ASH1L: variants seen among roughly 807,000 people sequenced by gnomAD.
ASH1L encodes the protein histone-lysine N-methyltransferase ASH1L.
A neutral mutation model predicts 269.0 loss-of-function variants in ASH1L; 23 were observed. The observed-to-expected ratio is 0.09, with a 90% CI of 0.06 to 0.12. The LOEUF is 0.12. ASH1L is among the 10% of genes least tolerant of loss of function. The probability of loss-of-function intolerance (pLI) is 1.00; values close to 1 mark genes in which losing one functional copy is unlikely to be tolerated. For synonymous variants in ASH1L, 1,187 were observed against 1,253.5 expected (o/e 0.95, Z 1.12); for missense variants, 2,912 against 3,567.8 (o/e 0.82, Z 4.68).
chr1:155,405,841 A>AAG (rs1659236351), intron 6 of ASH1L, among the ~76,000 whole-genome samples: 1 of 151,556 alleles, frequency 6.6e-6, no homozygotes, highest in African/African-American at 2.4e-5. Context: ...AAAAAAAAAA[A>AAG]AAAAAAGTCA....
intron 2 of ASH1L, among the ~76,000 whole-genome samples, chr1:155,518,842 G>A (rs1668674328): frequency 6.8e-6 from 1 of 147,204 alleles, no homozygotes; most frequent in Admixed American, 6.8e-5. Flanking sequence ...GGAAGGAATG[G>A]AGGGAGGGAG....
intron 2 of ASH1L, among the ~76,000 whole-genome samples, chr1:155,510,221 C>T (rs906428779): frequency 6.6e-6 from 1 of 151,734 alleles, no homozygotes; most frequent in Non-Finnish European, 1.5e-5. Context: ...CGAGACCAGC[C>T]TGACCAATTT....
chr1:155,410,068 G>A lies in ASH1L; in HGVS notation c.6008+5676C>T, dbSNP rs569809732. 5.3e-5 allele frequency among the ~76,000 whole-genome samples: 8 copies of A among 151,934 alleles called. No individual in the cohort carries two copies. The East Asian group carries it at 1.4e-3, about 26-fold the overall frequency. On this transcript the variant is annotated intron_variant, in intron 6 of 27. Coordinates refer to ENST00000392403, the MANE Select transcript of ASH1L (RefSeq NM_018489.3). ...TAATCTCAGCTACTCGGGAGGCTGA[G>A]GCAGGAGAATTGCTTGAACTCCATC...
rs1652330105 is a variant in ASH1L, at chr1:155,336,501, A to C, written c.*1159T>G. ...CATATGTATGTCTGAAAAGACAACA[A>C]AGCTTTTTAAATTTTATTTTTAAAG... On this transcript the variant is annotated 3_prime_UTR_variant, in exon 28 of 28. Coordinates refer to ENST00000392403, the MANE Select transcript of ASH1L (RefSeq NM_018489.3). 6.6e-6 allele frequency: 1 copy of C among 152,554 alleles called. No homozygotes were observed. Among genetic ancestry groups the C allele is most frequent in the African/African-American group, 2.4e-5 (1 of 41,368 alleles). 9.5% of individuals were successfully genotyped at this position (152,554 alleles called of 1,614,324 possible). A position where few individuals can be genotyped will look rare whatever the true frequency, so the allele number is the denominator to read the frequency against.
In ASH1L at chr1:155,337,690, C is replaced by A; in HGVS notation, c.8865G>T (p.Leu2955Phe). ...GSGRKLRRRT[L>F]FIPENSFRK ...TTCGAAAGCTGTTTTCTGGGATAAA[C>A]AAAGTACGCCTTCGCAGTTTCCTGC... The change falls in exon 28 of 28, where the codon TTG becomes TTT. Residue 2955 changes from leucine to phenylalanine, a missense_variant. Transcript: ENST00000392403. The A allele has an allele frequency of 1.2e-6, 2 of 1,613,980 alleles. No individual in the cohort carries two copies. The highest frequency in any genetic ancestry group is 1.7e-6 in the Non-Finnish European group (2 of 1,179,876).
intron 10 of ASH1L, 81 bp from the exon 11 acceptor site, chr1:155,371,064 T>A: frequency 8.7e-7 from 1 of 1,151,900 alleles, no homozygotes; most frequent in Non-Finnish European, 1.2e-6. Context: ...TACAAACATT[T>A]AAAAATGAAT....
intron 7 of ASH1L, among the ~76,000 whole-genome samples, chr1:155,389,356 T>C (rs944863000): frequency 6.6e-6 from 1 of 152,048 alleles, no homozygotes; most frequent in Non-Finnish European, 1.5e-5. Context: ...ATTTATATTA[T>C]CTGAATATAT....
At chr1:155,366,615 A>C (rs190946352) in intron 12 of ASH1L, among the ~76,000 whole-genome samples, 4 of 152,264 alleles carry the variant, frequency 2.6e-5, no homozygotes, top group African/African-American at 4.8e-5. Flanking sequence ...ACAAACTTTC[A>C]TAAGATTTAT....
At chr1:155,473,887 G>C (rs1258709959) in intron 3 of ASH1L, among the ~76,000 whole-genome samples, 2 of 152,126 alleles carry the variant, frequency 1.3e-5, no homozygotes, top group Non-Finnish European at 2.9e-5. Context: ...CCAGGCTGGA[G>C]TGCAGTGGCA....
chr1:155,354,515 G>C lies in ASH1L; in HGVS notation c.7171C>G (p.Arg2391Gly), dbSNP rs1384044854. 1 of 1,612,402 alleles carries C rather than the reference G, an allele frequency of 6.2e-7. No individual in the cohort carries two copies. The highest frequency in any genetic ancestry group is 2.2e-5 in the East Asian group (1 of 44,858). ...TCATCTCGGCAGATCCCATTCCAAC[G>C]GGTATATAATGATGCTGAGTGAATA... ...DNIHSASLYT[R>G]WNGICRDDGN... Residue 2391 changes from arginine (R) to glycine (G), a missense_variant, in exon 16 of 28, where the codon CGT (arginine) becomes GGT (glycine). Around this residue, in one of 13 missense-constraint regions of ASH1L, gnomAD observed 309 missense variants for 435.1 expected, o/e 0.71. Coordinates refer to ENST00000392403, the MANE Select transcript of ASH1L (RefSeq NM_018489.3).
intron 5 of ASH1L, among the ~76,000 whole-genome samples, chr1:155,417,158 C>T (rs1202600955): frequency 2.6e-5 from 4 of 151,476 alleles, no homozygotes; most frequent in Admixed American, 6.6e-5. Flanking sequence ...TGGTCTTGAA[C>T]TCCTGATCTC....
At chr1:155,485,259 A>G (rs1666262737) in intron 2 of ASH1L, among the ~76,000 whole-genome samples, 1 of 151,206 alleles carries the variant, frequency 6.6e-6, no homozygotes, top group Admixed American at 6.6e-5. Context: ...CCGTCTCAAA[A>G]AAAAAAAAAA....
chr1:155,417,199 G>A (rs997635782), intron 5 of ASH1L, among the ~76,000 whole-genome samples: 3 of 150,674 alleles, frequency 2.0e-5, no homozygotes, highest in African/African-American at 7.3e-5. Flanking sequence ...CTTCCCAAAG[G>A]GTTGGGATTA....
intron 4 of ASH1L, among the ~76,000 whole-genome samples, chr1:155,453,662 G>A (rs1663657010): frequency 6.6e-6 from 1 of 152,028 alleles, no homozygotes; most frequent in Non-Finnish European, 1.5e-5. Context: ...TAGCTGGTGT[G>A]GTGGTGCACA....
In ASH1L at chr1:155,365,755, A is replaced by C. The variant is rs1220376932; in HGVS notation, c.6686+4749T>G. ...AACTGGCCTCATACCTTTTCCACAA[A>C]GTCCCTGTATAGGGTTCCTGACCCG... On this transcript the variant is annotated intron_variant, in intron 12 of 27. Transcript: ENST00000392403. Among the ~76,000 whole-genome samples the C allele has an allele frequency of 2.0e-5, 3 of 152,168 alleles. No individual in the cohort carries two copies. In the East Asian group the frequency reaches 5.8e-4, roughly 29 times the overall value.
rs767540647 is a variant in ASH1L at position 155,349,559 on chromosome 1, G to A, written c.7404C>T (p.Asn2468=). The part of the protein sequence containing the change: ...SRQALAAPLL[N]LPPKKKNADY... ...GAACCTACTTTTTCTTTGGGGGAAG[G>A]TTCAAAAGTGGAGCTGCCAGTGCTT... The change falls in exon 18 of 28, where the codon AAC becomes AAT. Residue 2468 remains asparagine, a synonymous_variant. Coordinates refer to ENST00000392403, the MANE Select transcript of ASH1L (RefSeq NM_018489.3). The A allele has an allele frequency of 4.3e-6, 7 of 1,614,024 alleles. No homozygotes were observed. The highest frequency in any genetic ancestry group is 1.1e-5 in the South Asian group (1 of 91,084).
At chr1:155,384,282 A>T (rs1657225679) in intron 7 of ASH1L, among the ~76,000 whole-genome samples, 1 of 152,074 alleles carries the variant, frequency 6.6e-6, no homozygotes, top group Non-Finnish European at 1.5e-5. Context: ...GAATGCCTTC[A>T]TTTCTTCTTA....
chr1:155,370,440 T>C (rs1655841892), intron 12 of ASH1L, 64 bp downstream of exon 12: 1 of 1,599,042 alleles, frequency 6.3e-7, no homozygotes, highest in African/African-American at 1.3e-5. Context: ...GAAAGATCAA[T>C]CCCTTGCTGC....
chr1:155,474,168 A>G (rs562453199), intron 3 of ASH1L, among the ~76,000 whole-genome samples: 5 of 152,160 alleles, frequency 3.3e-5, no homozygotes, highest in African/African-American at 9.6e-5. Flanking sequence ...TTTGAAAATT[A>G]TTACTTTTCT....
Sources: gnomAD v4.1 joint callset for allele counts (sites outside exome capture counted in the v4.1 genomes callset) on GRCh38, gnomAD v4.1.1 for gene constraint, gnomAD v4.1.1 regional missense constraint, MANE v1.5 for transcripts, NCBI Gene and HGNC (gene_info 2026-07-23, HGNC 2026-07-21) for gene names.